CDH13: variants seen among roughly 807,000 people sequenced by gnomAD.
The protein encoded by CDH13 is cadherin-13.
Under a neutral mutation model 63.8 loss-of-function variants are expected in CDH13, and 24 were observed. That is an observed-to-expected ratio of 0.38 (90% CI 0.27 to 0.53). The LOEUF is 0.53. Among genes scored for constraint, CDH13 ranks in the 20% least tolerant of loss-of-function variants. The pLI is 0.85. For synonymous variants in CDH13, 503 were observed against 355.3 expected (o/e 1.42, Z -4.67); for missense variants, 1,049 against 903.1 (o/e 1.16, Z -2.07).
chr16:83,007,686 G>C (rs1350271950), intron 2 of CDH13, among the ~76,000 whole-genome samples: 2 of 151,940 alleles, frequency 1.3e-5, no homozygotes, highest in Non-Finnish European at 2.9e-5. Flanking sequence ...TAGCTGGGCA[G>C]GGTGGCTTGT....
At chr16:82,964,249 T>C (rs1907484025) in intron 2 of CDH13, among the ~76,000 whole-genome samples, 1 of 152,228 alleles carries the variant, frequency 6.6e-6, no homozygotes, top group African/African-American at 2.4e-5. Flanking sequence ...AAGTCCCCTG[T>C]AAAGCATTTT....
chr16:83,417,596 G>T (rs2071588075), intron 6 of CDH13, among the ~76,000 whole-genome samples: 1 of 152,170 alleles, frequency 6.6e-6, no homozygotes, highest in African/African-American at 2.4e-5. Flanking sequence ...CAGAGATGTT[G>T]CAGCAAACAA....
chr16:82,732,121 G>C (rs955920471), intron 1 of CDH13, among the ~76,000 whole-genome samples: 1 of 152,152 alleles, frequency 6.6e-6, no homozygotes, highest in African/African-American at 2.4e-5. Flanking sequence ...ATAGTTAAAT[G>C]ATGAATTATG....
chr16:83,249,530 A>C (rs1345941840), intron 5 of CDH13, among the ~76,000 whole-genome samples: 2 of 152,124 alleles, frequency 1.3e-5, no homozygotes, highest in Non-Finnish European at 2.9e-5. Flanking sequence ...TTTAATCCCA[A>C]TAGCTACTTC....
At position 83,121,466 on chromosome 16, in the gene CDH13, G is replaced by A. The variant is rs146788867; in HGVS notation, c.367-3919G>A. Among the ~76,000 whole-genome samples the A allele has an allele frequency of 1.9e-3, 284 of 152,324 alleles. 3 individuals carry two copies. Among genetic ancestry groups the A allele is most frequent in the African/African-American group, 6.2e-3 (257 of 41,582 alleles). ...ATATTTGAGGGGGCTCATGCCAAGT[G>A]CCCAGCACATTGGCCAGCATACGCT... On this transcript the variant is annotated intron_variant, in intron 3 of 13. Coordinates refer to ENST00000567109, the MANE Select transcript of CDH13 (RefSeq NM_001257.5).
At chr16:82,891,134 T>C (rs1264919770) in intron 2 of CDH13, among the ~76,000 whole-genome samples, 2 of 151,872 alleles carry the variant, frequency 1.3e-5, no homozygotes, top group African/African-American at 2.4e-5. Flanking sequence ...CCAGCCTCTG[T>C]ATCAGCATTA....
At chr16:83,096,882 C>G (rs1355666209) in intron 3 of CDH13, among the ~76,000 whole-genome samples, 1 of 152,048 alleles carries the variant, frequency 6.6e-6, no homozygotes, top group East Asian at 1.9e-4. Flanking sequence ...GAAAAATTGT[C>G]CTTGCCTTTG....
At position 83,761,115 on chromosome 16, in the gene CDH13, C is replaced by G. The variant is rs535907466; in HGVS notation, c.1681+12865C>G. On this transcript the variant is annotated intron_variant, in intron 11 of 13. Transcript: ENST00000567109. ...AAACGATAACTTTCCTTTAAATACC[C>G]CTTAGAGGATACAAACTGTCAGATC... Among the ~76,000 whole-genome samples, 57 of 152,246 alleles carry G rather than the reference C, an allele frequency of 3.7e-4. No individual in the cohort carries two copies. The South Asian group carries it at 0.011, about 29-fold the overall frequency.
At chr16:83,539,494 A>ATTTCT (rs977864173) in intron 7 of CDH13, among the ~76,000 whole-genome samples, 1 of 152,220 alleles carries the variant, frequency 6.6e-6, no homozygotes, top group African/African-American at 2.4e-5. Context: ...GCTAGTCCAC[A>ATTTCT]TGAAAGTGAA....
At chr16:83,483,368 G>C (rs17758876) in intron 6 of CDH13, among the ~76,000 whole-genome samples, 7,225 of 151,964 alleles carry the variant, frequency 0.048, 218 homozygotes, top group Middle Eastern at 0.073. Context: ...AATATTCCAG[G>C]ATAATTTTGT....
chr16:82,764,815 C>CG (rs763444550), intron 1 of CDH13, among the ~76,000 whole-genome samples: 1 of 135,276 alleles, frequency 7.4e-6, no homozygotes, highest in Non-Finnish European at 1.6e-5. Context: ...TTCATTCATT[C>CG]TTTTTTTTTT....
chr16:83,384,330 A>G (rs1180550214), intron 6 of CDH13, among the ~76,000 whole-genome samples: 1 of 152,104 alleles, frequency 6.6e-6, no homozygotes, highest in Admixed American at 6.6e-5. Context: ...CCAGAGCCCC[A>G]TATCCCAGGC....
chr16:82,829,159 A>G (rs2038405612), intron 1 of CDH13: 1 of 152,244 alleles, frequency 6.6e-6, no homozygotes, highest in Non-Finnish European at 1.5e-5. Context: ...GGTTGGCAAT[A>G]TATATACATG....
intron 5 of CDH13, among the ~76,000 whole-genome samples, chr16:83,323,187 TTTC>T (rs1193833415): frequency 2.2e-4 from 22 of 101,438 alleles, no homozygotes; most frequent in South Asian, 8.3e-4. Context: ...TCTTTCTTTC[TTTC>T]TTTCTTTCTT....
chr16:83,373,591 G>A (rs1481479653), intron 6 of CDH13, among the ~76,000 whole-genome samples: 8 of 152,192 alleles, frequency 5.3e-5, no homozygotes, highest in Non-Finnish European at 2.9e-5. Flanking sequence ...CATGATACAG[G>A]TGTTGGAGAG....
chr16:83,206,157 G>A (rs2151772126), intron 4 of CDH13, among the ~76,000 whole-genome samples: 1 of 152,246 alleles, frequency 6.6e-6, no homozygotes, highest in South Asian at 2.1e-4. Flanking sequence ...AGGACTTTCG[G>A]CAGCTTTTCC....
Position 83,031,995 on chromosome 16 carries a change from T to G in CDH13, c.158-15T>G, listed in dbSNP as rs975074520. On this transcript the variant is annotated splice_polypyrimidine_tract_variant and intron_variant, in intron 2 of 13. Coordinates refer to ENST00000567109, the MANE Select transcript of CDH13 (RefSeq NM_001257.5). ...ACCTACTCATGCTCCTTCTGTTGTTTCGTTTGTTTCCCAGTGACCTTCAGT... is the reference window on the plus strand; with the variant it reads ...ACCTACTCATGCTCCTTCTGTTGTTGCGTTTGTTTCCCAGTGACCTTCAGT... 2 of 1,564,310 alleles carry G rather than the reference T, an allele frequency of 1.3e-6. No homozygotes were observed. The highest frequency in any genetic ancestry group is 1.2e-5 in the South Asian group (1 of 85,086).
intron 1 of CDH13, among the ~76,000 whole-genome samples, chr16:82,722,601 G>A (rs2032846910): frequency 6.6e-6 from 1 of 152,138 alleles, no homozygotes; most frequent in Non-Finnish European, 1.5e-5. Flanking sequence ...GACCAAGTAT[G>A]GAGAGTGAGG....
intron 6 of CDH13, among the ~76,000 whole-genome samples, chr16:83,443,300 T>C (rs2072538381): frequency 6.6e-6 from 1 of 152,150 alleles, no homozygotes; most frequent in South Asian, 2.1e-4. Flanking sequence ...TGGGAGGCCC[T>C]TCCGCAACAG....
Sources: allele counts gnomAD v4.1 joint callset (sites outside exome capture counted in the v4.1 genomes callset), GRCh38; gene constraint gnomAD v4.1.1; transcripts MANE v1.5; gene names NCBI Gene and HGNC (gene_info 2026-07-23, HGNC 2026-07-21).